The following OTOG variants were observed in gnomAD, a reference collection of about 807,000 sequenced individuals.
OTOG encodes otogelin.
OTOG carries 296 observed loss-of-function variants against 313.8 expected under a neutral mutation model. That is an observed-to-expected ratio of 0.94 (90% CI 0.86 to 1.04). The LOEUF (loss-of-function observed/expected upper bound fraction) is 1.04. Ranked by LOEUF, OTOG falls within the 50% of genes least tolerant of loss-of-function variation. The pLI is 0.00. For missense variants in OTOG, 3,948 were observed against 3,840.1 expected (o/e 1.03, Z -0.74); for synonymous variants, 1,533 against 1,554.9 (o/e 0.99, Z 0.33).
At chr11:17,558,395 C>A in intron 9 of OTOG, 80 bp downstream of exon 9, 5 of 1,529,802 alleles carry the variant, frequency 3.3e-6, no homozygotes, top group Non-Finnish European at 4.4e-6. Flanking sequence ...GGCTGTGGCA[C>A]CCCAGAATGT....
chr11:17,613,182 C>CTTTCTTTCTTTCT (rs1452148662), intron 38 of OTOG, among the ~76,000 whole-genome samples: 2 of 96,304 alleles, frequency 2.1e-5, no homozygotes, highest in East Asian at 2.4e-4. Flanking sequence ...TTCTTTCTTT[C>CTTTCTTTCTTTCT]TTTCTTTCTT....
At chr11:17,632,402 T>A (rs539889526) in intron 42 of OTOG, among the ~76,000 whole-genome samples, 176 bp downstream of exon 42, 7 of 152,182 alleles carry the variant, frequency 4.6e-5, no homozygotes, top group African/African-American at 1.4e-4. Context: ...ATATTTAATT[T>A]TTATATTATA....
intron 35 of OTOG, among the ~76,000 whole-genome samples, 178 bp downstream of exon 35, chr11:17,609,387 T>A (rs1394806876): frequency 1.3e-5 from 2 of 151,984 alleles, no homozygotes; most frequent in Non-Finnish European, 2.9e-5. Context: ...TTCGCCCCAT[T>A]TCACAGAGAG....
intron 24 of OTOG, among the ~76,000 whole-genome samples, chr11:17,591,051 T>C (rs1392184831): frequency 1.3e-5 from 2 of 152,232 alleles, no homozygotes; most frequent in Non-Finnish European, 2.9e-5. Flanking sequence ...AGAATAAACA[T>C]TCCCAGAGGC....
intron 3 of OTOG, among the ~76,000 whole-genome samples, chr11:17,551,541 G>A (rs1851932635): frequency 6.6e-6 from 1 of 152,082 alleles, no homozygotes; most frequent in Non-Finnish European, 1.5e-5. Flanking sequence ...AGGTTGGGGT[G>A]GGGGTGGCTG....
At chr11:17,620,618 T>A (rs548012185) in intron 39 of OTOG, among the ~76,000 whole-genome samples, 1 of 152,358 alleles carries the variant, frequency 6.6e-6, no homozygotes, top group African/African-American at 2.4e-5. Context: ...CCTTCATACA[T>A]AATGTAGTTT....
intron 54 of OTOG, among the ~76,000 whole-genome samples, chr11:17,644,790 C>T (rs527444762): frequency 6.6e-6 from 1 of 152,284 alleles, no homozygotes; most frequent in Admixed American, 6.5e-5. Flanking sequence ...ACCGATGTGT[C>T]TCTGACAAGA....
At chr11:17,629,526 A>C (rs1854066247) in intron 40 of OTOG, among the ~76,000 whole-genome samples, 1 of 152,212 alleles carries the variant, frequency 6.6e-6, no homozygotes, top group South Asian at 2.1e-4. Context: ...GGACTCAGCC[A>C]GTTGTCACTT....
In OTOG at chr11:17,551,143, G is replaced by A. The variant is rs1851922055; in HGVS notation, c.217-857G>A. Among the ~76,000 whole-genome samples the A allele has an allele frequency of 2.0e-5, 3 of 152,198 alleles. No homozygotes were observed. The South Asian group carries it at 6.2e-4, about 32-fold the overall frequency. On this transcript the variant is annotated intron_variant, in intron 3 of 55. Transcript: ENST00000399397. Reference sequence around the variant, plus strand: ...GTTCACTGCATCCAGCACAATGCTTGGCACAGGGTTCTGGGGACATTGTAC... The same window carrying A: ...GTTCACTGCATCCAGCACAATGCTTAGCACAGGGTTCTGGGGACATTGTAC...
chr11:17,618,031 G>C (rs1329891741), intron 39 of OTOG, among the ~76,000 whole-genome samples: 1 of 151,834 alleles, frequency 6.6e-6, no homozygotes, highest in African/African-American at 2.4e-5. Context: ...TCCTGCCTCA[G>C]CCACCCGAGT....
intron 42 of OTOG, among the ~76,000 whole-genome samples, chr11:17,632,729 C>A (rs1399326862): frequency 1.3e-5 from 2 of 152,236 alleles, no homozygotes; most frequent in East Asian, 1.9e-4. Context: ...TCCTCCTCCC[C>A]CAATTAGGTT....
chr11:17,594,479 A>C (rs1414010734), intron 28 of OTOG, among the ~76,000 whole-genome samples: 2 of 152,188 alleles, frequency 1.3e-5, no homozygotes, highest in Non-Finnish European at 2.9e-5. Context: ...AGTGCCTGGC[A>C]CTAGGTCTGG....
intron 24 of OTOG, among the ~76,000 whole-genome samples, chr11:17,588,489 G>A (rs1439758755): frequency 6.6e-6 from 1 of 152,160 alleles, no homozygotes; most frequent in African/African-American, 2.4e-5. Flanking sequence ...ATGCATTTAT[G>A]GCTGAGTTGT....
intron 14 of OTOG, among the ~76,000 whole-genome samples, chr11:17,561,421 T>C (rs1852180083): frequency 6.6e-6 from 1 of 152,210 alleles, no homozygotes; most frequent in Non-Finnish European, 1.5e-5. Context: ...TCCTCAAGGC[T>C]AGGCCCTGGT....
chr11:17,560,810 A>C lies in OTOG; in HGVS notation c.1444A>C (p.Asn482His). Residue 482 changes from asparagine to histidine, a missense_variant, in exon 13 of 56, where the codon AAT (asparagine) becomes CAT (histidine). Coordinates refer to ENST00000399397, the MANE Select transcript of OTOG (RefSeq NM_001292063.2). ...PPGSVVKEDCNTCTCTSGKWE... is the reference protein window; with the variant it reads ...PPGSVVKEDCHTCTCTSGKWE... ...TGGCTCTGTGGTGAAGGAAGACTGC[A>C]ATACTTGGTCTGTGTCTGCTGCCGG... The C allele has an allele frequency of 6.5e-7, 1 of 1,550,032 alleles. No individual in the cohort carries two copies. Among genetic ancestry groups the C allele is most frequent in the Non-Finnish European group, 8.7e-7 (1 of 1,146,268 alleles).
chr11:17,595,962 C>G, intron 28 of OTOG, 76 bp from the exon 29 acceptor site: 2 of 1,043,778 alleles, frequency 1.9e-6, no homozygotes, highest in Non-Finnish European at 2.9e-6. Flanking sequence ...GGCGGCCACC[C>G]TAAAATCTGT....
chr11:17,627,892 A>G (rs1422991909), intron 39 of OTOG, among the ~76,000 whole-genome samples: 2 of 152,054 alleles, frequency 1.3e-5, no homozygotes, highest in Non-Finnish European at 1.5e-5. Flanking sequence ...GCTGCTAATG[A>G]TCCTTTGAAT....
intron 3 of OTOG, among the ~76,000 whole-genome samples, chr11:17,550,457 C>T (rs1024600079): frequency 4.6e-5 from 7 of 152,108 alleles, no homozygotes; most frequent in Non-Finnish European, 8.8e-5. Flanking sequence ...CTAAGGGGTT[C>T]GTGGCATAAA....
intron 15 of OTOG, among the ~76,000 whole-genome samples, chr11:17,566,484 G>C (rs921676941): frequency 6.6e-6 from 1 of 152,170 alleles, no homozygotes; most frequent in African/African-American, 2.4e-5. Context: ...ATACACATAA[G>C]TATAAATATT....
Sources: allele counts gnomAD v4.1 joint callset (sites outside exome capture counted in the v4.1 genomes callset), GRCh38; gene constraint gnomAD v4.1.1; transcripts MANE v1.5; gene names NCBI Gene and HGNC (gene_info 2026-07-23, HGNC 2026-07-21).